The following KRT23 variants were observed in gnomAD, a reference collection of about 807,000 sequenced individuals.
KRT23 encodes keratin, type I cytoskeletal 23.
KRT23 carries 38 observed loss-of-function variants against 47.6 expected under a neutral mutation model. That is an observed-to-expected ratio of 0.80 (90% CI 0.62 to 1.05). The LOEUF (loss-of-function observed/expected upper bound fraction) is 1.05. Ranked by LOEUF, KRT23 falls within the 50% of genes least tolerant of loss-of-function variation. The pLI is 0.00. For synonymous variants in KRT23, 191 were observed against 199.0 expected (o/e 0.96, Z 0.34); for missense variants, 503 against 529.5 (o/e 0.95, Z 0.49).
chr17:40,929,903 G>A (rs576208415), intron 4 of KRT23, 37 bp downstream of exon 4: 2 of 1,600,388 alleles, frequency 1.2e-6, no homozygotes, highest in Non-Finnish European at 1.7e-6. Flanking sequence ...CAGGCTAAGA[G>A]CTGTGCTTAT....
At chr17:40,933,934 T>G (rs1303065040) in intron 2 of KRT23, among the ~76,000 whole-genome samples, 1 of 152,174 alleles carries the variant, frequency 6.6e-6, no homozygotes, top group African/African-American at 2.4e-5. Context: ...GGATGTTTGA[T>G]CTACTAGGGA....
intron 3 of KRT23, 39 bp downstream of exon 3, chr17:40,931,334 A>G: frequency 6.7e-7 from 1 of 1,503,758 alleles, no homozygotes; most frequent in Non-Finnish European, 9.3e-7. Context: ...TAAAGCAAAC[A>G]AACAAAAACC....
rs1248424981 is a variant in KRT23, at chr17:40,922,986, G to C, written c.*3C>G. The C allele has an allele frequency of 6.2e-7, 1 of 1,608,402 alleles. No individual in the cohort carries two copies. On this transcript the variant is annotated 3_prime_UTR_variant, in exon 9 of 9. Coordinates refer to ENST00000209718, the MANE Select transcript of KRT23 (RefSeq NM_015515.5). ...TTACAACAGGCGGAAACTTTCATTG[G>C]TCTCATGCGTGCTTTTGGATTTCAT...
At chr17:40,925,651 G>T in intron 6 of KRT23, 77 bp from the exon 7 acceptor site, 2 of 1,117,960 alleles carry the variant, frequency 1.8e-6, no homozygotes, top group Non-Finnish European at 2.6e-6. Flanking sequence ...TGAGTACTTA[G>T]CAGATGTCGA....
intron 4 of KRT23, among the ~76,000 whole-genome samples, chr17:40,928,956 G>A (rs1366068465): frequency 6.7e-6 from 1 of 150,060 alleles, no homozygotes; most frequent in Non-Finnish European, 1.5e-5. Flanking sequence ...GAACCTGCGA[G>A]GTGGAGGCTG....
chr17:40,925,302 A>T (rs767704805), intron 7 of KRT23, 52 bp downstream of exon 7: 1 of 1,486,594 alleles, frequency 6.7e-7, no homozygotes, highest in Non-Finnish European at 9.4e-7. Flanking sequence ...ACATATACCC[A>T]CAGGAGCTGG....
chr17:40,923,812 G>A (rs1313608847), intron 8 of KRT23, among the ~76,000 whole-genome samples: 1 of 152,168 alleles, frequency 6.6e-6, no homozygotes, highest in Non-Finnish European at 1.5e-5. Flanking sequence ...CTTAGAATAG[G>A]TTTATCACAA....
At chr17:40,929,655 A>T (rs1294210987) in intron 4 of KRT23, 3 of 343,400 alleles carry the variant, frequency 8.7e-6, no homozygotes, top group Non-Finnish European at 5.2e-6. Context: ...ATTGATTCTT[A>T]TAGTAACATT....
At position 40,928,004 on chromosome 17, in the gene KRT23, G is replaced by A. The variant is rs115024283; in HGVS notation, c.921+234C>T. ...CTAAGACCTATCTGGGAAGGTTACT[G>A]TAAGGATTAATGACATTTAATATCA... On this transcript the variant is annotated intron_variant, in intron 6 of 8. Transcript: ENST00000209718. Among the ~76,000 whole-genome samples, 1,075 of 152,244 alleles carry A rather than the reference G, an allele frequency of 7.1e-3. 11 individuals are homozygous for A. Among genetic ancestry groups the A allele is most frequent in the African/African-American group, 0.025 (1,030 of 41,524 alleles).
rs1910116711 is a variant in KRT23, at chr17:40,936,810, G to A, written c.-207C>T. 1 of 435,766 alleles carries A rather than the reference G, an allele frequency of 2.3e-6. No individual in the cohort carries two copies. The highest frequency in any genetic ancestry group is 2.0e-5 in the African/African-American group (1 of 49,038). The allele number at this position is 435,766 out of a possible 1,614,324, so 27.0% of individuals were successfully genotyped here. ...AAGTGCCCCTGGGCCTTCGCACACT[G>A]TTGTTGTTTAGAGCCACATCAATAT... On this transcript the variant is annotated 5_prime_UTR_variant, in exon 2 of 9. Coordinates refer to ENST00000209718, the MANE Select transcript of KRT23 (RefSeq NM_015515.5).
chr17:40,931,611 A>C (rs1909694404), intron 2 of KRT23, among the ~76,000 whole-genome samples, 156 bp from the exon 3 acceptor site: 1 of 152,234 alleles, frequency 6.6e-6, no homozygotes, highest in South Asian at 2.1e-4. Flanking sequence ...CGAATCAGTA[A>C]ATGCTTAGTG....
rs1214231262 is a variant in KRT23, at chr17:40,936,933, G to A, written c.-330C>T. ...GGTATCTTTCTAATCTTGCCGTGAA[G>A]TTTTTCCATTGTTCATTTACCTGGA... On this transcript the variant is annotated 5_prime_UTR_variant, in exon 2 of 9. Coordinates refer to ENST00000209718, the MANE Select transcript of KRT23 (RefSeq NM_015515.5). The A allele has an allele frequency of 1.0e-5, 3 of 301,206 alleles. No homozygotes were observed. The highest frequency in any genetic ancestry group is 4.3e-5 in the African/African-American group (2 of 46,570). The allele number at this position is 301,206 out of a possible 1,614,324, so 18.7% of individuals were successfully genotyped here.
chr17:40,923,660 C>T (rs921753146), intron 8 of KRT23, among the ~76,000 whole-genome samples: 2 of 152,202 alleles, frequency 1.3e-5, no homozygotes, highest in African/African-American at 4.8e-5. Flanking sequence ...CCATTGGGAC[C>T]ATCCCATCAA....
At chr17:40,927,564 A>G (rs1909307011) in intron 6 of KRT23, among the ~76,000 whole-genome samples, 2 of 152,168 alleles carry the variant, frequency 1.3e-5, no homozygotes, top group Admixed American at 1.3e-4. Context: ...TGATTAGAAG[A>G]CTCAATAGGG....
At position 40,936,792 on chromosome 17, in the gene KRT23, C is replaced by T. The variant is rs1043642284; in HGVS notation, c.-189G>A. 12 of 476,602 alleles carry T rather than the reference C, an allele frequency of 2.5e-5. No individual in the cohort carries two copies. In the Admixed American group the frequency reaches 2.7e-4, roughly 11 times the overall value. The allele number at this position is 476,602 out of a possible 1,614,324, so 29.5% of individuals were successfully genotyped here. On this transcript the variant is annotated 5_prime_UTR_variant, in exon 2 of 9. Coordinates refer to ENST00000209718, the MANE Select transcript of KRT23 (RefSeq NM_015515.5). ...TCCTCTTGGTCAATCCCAAAGTGCC[C>T]CTGGGCCTTCGCACACTGTTGTTGT...
chr17:40,928,071 A>G (rs1221169255), intron 6 of KRT23, among the ~76,000 whole-genome samples, 167 bp downstream of exon 6: 1 of 152,202 alleles, frequency 6.6e-6, no homozygotes, highest in East Asian at 1.9e-4. Context: ...GGGACACTCA[A>G]TACATGGTAG....
In KRT23 at chr17:40,925,535, G is replaced by A. The variant is rs377660950; in HGVS notation, c.961C>T (p.Arg321Trp). The A allele has an allele frequency of 2.9e-5, 46 of 1,614,004 alleles. No homozygotes were observed. The African/African-American group carries it at 3.3e-4, about 12-fold the overall frequency. Residue 321 changes from arginine (R) to tryptophan (W), a missense_variant, in exon 7 of 9, where the codon CGG becomes TGG. Arg to Trp is a moderately radical substitution (Grantham distance 101). Coordinates refer to ENST00000209718, the MANE Select transcript of KRT23 (RefSeq NM_015515.5). ...LENMLSETQSRYSCKLQDMQE... is the reference protein window; with the variant it reads ...LENMLSETQSWYSCKLQDMQE... ...ATGTCCTGGAGCTTGCAGGAGTACC[G>A]AGACTGGGTCTCGGATAACATGTTT...
At position 40,936,802 on chromosome 17, in the gene KRT23, C is replaced by T. The variant is rs765202604; in HGVS notation, c.-199G>A. ...CAATCCCAAAGTGCCCCTGGGCCTT[C>T]GCACACTGTTGTTGTTTAGAGCCAC... On this transcript the variant is annotated 5_prime_UTR_variant, in exon 2 of 9. Coordinates refer to ENST00000209718, the MANE Select transcript of KRT23 (RefSeq NM_015515.5). 10 of 448,784 alleles carry T rather than the reference C, an allele frequency of 2.2e-5. No individual in the cohort carries two copies. The highest frequency in any genetic ancestry group is 8.7e-5 in the South Asian group (1 of 11,524). The allele number at this position is 448,784 out of a possible 1,614,324, so 27.8% of individuals were successfully genotyped here.
Position 40,928,585 on chromosome 17 carries a change from G to A in KRT23, c.659C>T (p.Pro220Leu), listed in dbSNP as rs1909398003. 2 of 1,612,978 alleles carry A rather than the reference G, an allele frequency of 1.2e-6. No individual in the cohort carries two copies. The highest frequency in any genetic ancestry group is 1.3e-5 in the African/African-American group (1 of 74,956). The change falls in exon 5 of 9, where the codon CCA becomes CTA. Residue 220 changes from proline (P) to leucine (L), a missense_variant. By Grantham distance (98) the Pro-to-Leu change is moderately conservative. Coordinates refer to ENST00000209718, the MANE Select transcript of KRT23 (RefSeq NM_015515.5). ...CTTCACATTGACATTGAAGTCACTT[G>A]GCACATGATGCTTCTCCATTTCCTA... The part of the protein sequence containing the change: ...HEQEMEKHHV[P>L]SDFNVNVKVD...
Sources: gnomAD v4.1 joint callset for allele counts (sites outside exome capture counted in the v4.1 genomes callset) on GRCh38, gnomAD v4.1.1 for gene constraint, MANE v1.5 for transcripts, NCBI Gene and HGNC (gene_info 2026-07-23, HGNC 2026-07-21) for gene names.